LRMDA: variants seen among roughly 807,000 people sequenced by gnomAD.
LRMDA encodes the protein leucine rich melanocyte differentiation associated, also known as leucine-rich melanocyte differentiation-associated protein.
Under a neutral mutation model 29.8 loss-of-function variants are expected in LRMDA, and 18 were observed. The ratio of observed to expected loss-of-function variants is 0.60; its 90% CI spans 0.42 to 0.90. The LOEUF (loss-of-function observed/expected upper bound fraction) is 0.90, where lower values mean the gene tolerates loss of function less well. LRMDA is among the 40% of genes least tolerant of loss of function. The pLI is 0.00. For missense variants in LRMDA, 273 were observed against 273.9 expected (o/e 1.00, Z 0.02); for synonymous variants, 125 against 109.4 (o/e 1.14, Z -0.89).
intron 2 of LRMDA, among the ~76,000 whole-genome samples, chr10:75,677,203 G>C (rs1841970347): frequency 6.6e-6 from 1 of 152,106 alleles, no homozygotes; most frequent in Non-Finnish European, 1.5e-5. Context: ...TCCCCAAACT[G>C]TGTATATTTG....
intron 2 of LRMDA, among the ~76,000 whole-genome samples, chr10:75,573,322 A>G (rs1840460536): frequency 6.6e-6 from 1 of 152,064 alleles, no homozygotes. Flanking sequence ...TCATGTATTT[A>G]TTTATTTTTC....
chr10:75,852,084 T>C (rs1270256773), intron 2 of LRMDA, among the ~76,000 whole-genome samples: 4 of 152,152 alleles, frequency 2.6e-5, no homozygotes, highest in African/African-American at 9.7e-5. Flanking sequence ...CCCCATCAGG[T>C]GGGCTGGCAT....
At chr10:75,700,253 TGA>T (rs1302956329) in intron 2 of LRMDA, among the ~76,000 whole-genome samples, 1 of 136,936 alleles carries the variant, frequency 7.3e-6, no homozygotes, top group Non-Finnish European at 1.5e-5. Flanking sequence ...AACCTTTGTG[TGA>T]GTTTTTTTTT....
rs1273417874 is a variant in LRMDA, at chr10:76,468,551, T to A, written c.602-88658T>A. On this transcript the variant is annotated intron_variant, in intron 6 of 6. Coordinates refer to ENST00000611255, the MANE Select transcript of LRMDA (RefSeq NM_001305581.2). ...TAAACCTTGCATAGAACAGGAAAGA[T>A]GAATTTACCACAAAGAAAACATTTT... Among the ~76,000 whole-genome samples the A allele has an allele frequency of 2.6e-5, 4 of 152,314 alleles. No individual in the cohort carries two copies. The South Asian group carries it at 8.3e-4, about 32-fold the overall frequency.
intron 5 of LRMDA, among the ~76,000 whole-genome samples, chr10:76,215,771 G>A (rs944909961): frequency 2.0e-5 from 3 of 152,136 alleles, no homozygotes; most frequent in Non-Finnish European, 2.9e-5. Context: ...TAAAATGGGT[G>A]TAAGTGAGAA....
intron 4 of LRMDA, among the ~76,000 whole-genome samples, chr10:76,049,725 G>T (rs1185491108): frequency 6.6e-6 from 1 of 152,090 alleles, no homozygotes; most frequent in Non-Finnish European, 1.5e-5. Context: ...TGTGGCATTT[G>T]TGTTTATACA....
At chr10:75,514,543 T>C (rs558575962) in intron 2 of LRMDA, among the ~76,000 whole-genome samples, 2 of 152,200 alleles carry the variant, frequency 1.3e-5, no homozygotes, top group Admixed American at 1.3e-4. Context: ...TAGGGCCTAA[T>C]GGGAGGTGTT....
chr10:76,469,925 C>G (rs1342934783), intron 6 of LRMDA, among the ~76,000 whole-genome samples: 2 of 152,182 alleles, frequency 1.3e-5, no homozygotes, highest in South Asian at 2.1e-4. Flanking sequence ...CAAGAAGAAA[C>G]TCTAGAATGA....
At chr10:76,131,782 G>A (rs1044265617) in intron 5 of LRMDA, among the ~76,000 whole-genome samples, 22 of 152,070 alleles carry the variant, frequency 1.4e-4, no homozygotes, top group African/African-American at 2.7e-4. Context: ...TGAATTGTCC[G>A]TTGACAGGGC....
At chr10:75,666,098 C>G (rs1268946101) in intron 2 of LRMDA, among the ~76,000 whole-genome samples, 1 of 151,966 alleles carries the variant, frequency 6.6e-6, no homozygotes, top group African/African-American at 2.4e-5. Context: ...AAATTTGACC[C>G]TTTAACAGCA....
intron 2 of LRMDA, among the ~76,000 whole-genome samples, chr10:75,916,176 G>GTA (rs1564605822): frequency 4.3e-5 from 5 of 116,460 alleles, no homozygotes; most frequent in Non-Finnish European, 9.3e-5. Context: ...GTGTGTGTGT[G>GTA]TGTGTGTGTG....
intron 2 of LRMDA, among the ~76,000 whole-genome samples, chr10:75,676,868 G>A (rs1215563536): frequency 6.6e-6 from 1 of 152,072 alleles, no homozygotes; most frequent in African/African-American, 2.4e-5. Flanking sequence ...TGCCACCTTT[G>A]GCCCCACCTT....
At chr10:76,243,629 G>T (rs1275656454) in intron 5 of LRMDA, among the ~76,000 whole-genome samples, 1 of 152,164 alleles carries the variant, frequency 6.6e-6, no homozygotes, top group East Asian at 1.9e-4. Context: ...AACAAATTCA[G>T]GGGCTGTGTT....
At chr10:76,157,901 C>T (rs1196058300) in intron 5 of LRMDA, among the ~76,000 whole-genome samples, 1 of 152,080 alleles carries the variant, frequency 6.6e-6, no homozygotes, top group Non-Finnish European at 1.5e-5. Context: ...TGCTCCTGAG[C>T]TGCAAACCTG....
intron 2 of LRMDA, among the ~76,000 whole-genome samples, chr10:75,700,801 A>G (rs546895287): frequency 6.6e-6 from 1 of 152,190 alleles, no homozygotes; most frequent in East Asian, 1.9e-4. Context: ...GGATGGATGG[A>G]TAATGAAAAA....
intron 2 of LRMDA, among the ~76,000 whole-genome samples, chr10:75,518,574 A>C (rs902593611): frequency 3.3e-5 from 5 of 151,986 alleles, no homozygotes; most frequent in Admixed American, 3.3e-4. Flanking sequence ...TATTGTGTCT[A>C]TTCGATTCTT....
At chr10:75,694,292 C>T (rs765038136) in intron 2 of LRMDA, among the ~76,000 whole-genome samples, 3 of 151,936 alleles carry the variant, frequency 2.0e-5, no homozygotes, top group African/African-American at 4.8e-5. Context: ...GAGTTGGAGC[C>T]GAGGGGAAAT....
At chr10:75,867,262 A>G (rs947488579) in intron 2 of LRMDA, among the ~76,000 whole-genome samples, 6 of 152,174 alleles carry the variant, frequency 3.9e-5, no homozygotes, top group African/African-American at 1.4e-4. Context: ...TCCTAGGTTC[A>G]AGCGATTCTC....
At chr10:75,470,763 AG>A (rs1186131831) in intron 2 of LRMDA, among the ~76,000 whole-genome samples, 2 of 152,158 alleles carry the variant, frequency 1.3e-5, no homozygotes, top group East Asian at 1.9e-4. Flanking sequence ...GTCACGTCCC[AG>A]GGTACATAAG....
Sources: allele counts gnomAD v4.1 joint callset (sites outside exome capture counted in the v4.1 genomes callset), GRCh38; gene constraint gnomAD v4.1.1; transcripts MANE v1.5; gene names NCBI Gene and HGNC (gene_info 2026-07-23, HGNC 2026-07-21).